The following PDE1C variants were observed in gnomAD, a reference collection of about 807,000 sequenced individuals.
PDE1C encodes the protein phosphodiesterase 1C.
In PDE1C, 62 loss-of-function variants were observed where a neutral mutation model predicts 93.1. The observed-to-expected ratio is 0.67, with a 90% CI of 0.54 to 0.82. The LOEUF is 0.82. PDE1C is among the 40% of genes least tolerant of loss of function. PDE1C has a pLI of 0.00. For synonymous variants in PDE1C, 325 were observed against 310.1 expected, an observed-to-expected ratio of 1.05 and a Z score of -0.50; for missense variants, 742 against 884.6, an observed-to-expected ratio of 0.84 and a Z score of 2.04.
Position 32,383,902 on chromosome 7 carries a change from C to T in PDE1C, c.310+43920G>A, listed in dbSNP as rs552121242. Among the ~76,000 whole-genome samples, 8 of 152,308 alleles carry T rather than the reference C, an allele frequency of 5.3e-5. 1 individual carries two copies. Among genetic ancestry groups the T allele is most frequent in the South Asian group, 4.1e-4 (2 of 4,822 alleles). ...TAACTTCTCCAAACCTCAGTTTCTG[C>T]GTCTTTGAAATTATGAAATGAGGAA... is the stretch of plus-strand genomic sequence containing the variant. On this transcript the variant is annotated intron_variant, in intron 1 of 1. Coordinates refer to the PDE1C transcript ENST00000672256.
At chr7:32,389,628 C>G (rs1254025960) in intron 1 of PDE1C, among the ~76,000 whole-genome samples, 1 of 152,202 alleles carries the variant, frequency 6.6e-6, no homozygotes, top group Non-Finnish European at 1.5e-5. Context: ...ACTCACAGAC[C>G]TGGGACCTGG....
the PDE1C span, among the ~76,000 whole-genome samples, chr7:31,640,242 C>G: frequency 1.3e-5 from 2 of 152,212 alleles, no homozygotes; most frequent in Non-Finnish European, 2.9e-5. Context: ...GGCTGGTGGG[C>G]ACATTCCCTA....
chr7:31,620,777 C>T, the PDE1C span, among the ~76,000 whole-genome samples: 13 of 152,084 alleles, frequency 8.5e-5, no homozygotes, highest in Admixed American at 1.3e-4. Flanking sequence ...TTTGAGGAGG[C>T]GAGAGAAGAA....
At chr7:32,168,831 T>G (rs1211961008) in intron 3 of PDE1C, among the ~76,000 whole-genome samples, 13 of 152,168 alleles carry the variant, frequency 8.5e-5, no homozygotes, top group Non-Finnish European at 1.5e-5. Flanking sequence ...TGGCTCTCAC[T>G]GAGCAATTAC....
intron 3 of PDE1C, 125 bp downstream of exon 3, chr7:31,880,622 C>T (rs1460063079): frequency 6.4e-6 from 4 of 621,652 alleles, no homozygotes; most frequent in African/African-American, 1.8e-5. Context: ...TTTGTGGAAA[C>T]TAAAACTCAA....
At chr7:31,918,832 G>A (rs988713029) in intron 2 of PDE1C, among the ~76,000 whole-genome samples, 16 of 152,102 alleles carry the variant, frequency 1.1e-4, no homozygotes, top group Admixed American at 2.6e-4. Context: ...TCTGCCCTGC[G>A]TAGCCAGAAG....
chr7:32,170,052 G>A (rs1278842527), intron 2 of PDE1C: 2 of 1,082,404 alleles, frequency 1.8e-6, no homozygotes, highest in Admixed American at 4.5e-5. Context: ...AGCAGAGCAG[G>A]GAAATTTATA....
Position 32,062,665 on chromosome 7 carries a change from C to A in PDE1C, c.101+7628G>T, listed in dbSNP as rs184849348. 3.3e-5 allele frequency among the ~76,000 whole-genome samples: 5 copies of A among 152,156 alleles called. No individual in the cohort carries two copies. The South Asian group carries it at 1.0e-3, about 32-fold the overall frequency. ...CCTGTGCTGGACTTCTTGCAGCACT[C>A]GTCACAGCAGGTAGTAATTTATGGA... is the stretch of plus-strand genomic sequence containing the variant. On this transcript the variant is annotated intron_variant, in intron 1 of 17. Coordinates refer to ENST00000396191, the MANE Select transcript of PDE1C (RefSeq NM_001191057.4).
chr7:31,932,874 A>G (rs1025158030), intron 2 of PDE1C, among the ~76,000 whole-genome samples: 2 of 152,230 alleles, frequency 1.3e-5, no homozygotes, highest in African/African-American at 2.4e-5. Context: ...ACCATGGAAT[A>G]CTATGCAGCC....
intron 2 of PDE1C, among the ~76,000 whole-genome samples, chr7:31,889,283 A>G (rs1544580): frequency 0.052 from 7,870 of 152,302 alleles, 328 homozygotes; most frequent in African/African-American, 0.12. Context: ...CCACTTCACT[A>G]TTCCAACTCT....
At chr7:31,999,991 A>G (rs1785255083) in intron 2 of PDE1C, among the ~76,000 whole-genome samples, 1 of 152,182 alleles carries the variant, frequency 6.6e-6, no homozygotes, top group Non-Finnish European at 1.5e-5. Context: ...TTACAAAAAC[A>G]GTTCTGCCAC....
At chr7:31,694,530 A>T in the PDE1C span, among the ~76,000 whole-genome samples, 1 of 152,184 alleles carries the variant, frequency 6.6e-6, no homozygotes, top group East Asian at 1.9e-4. Flanking sequence ...TTGAACTCAG[A>T]TCAGCTTGAC....
At chr7:32,307,862 G>C (rs1429286353) in intron 1 of PDE1C, among the ~76,000 whole-genome samples, 2 of 152,246 alleles carry the variant, frequency 1.3e-5, no homozygotes, top group Non-Finnish European at 2.9e-5. Context: ...ATCTCACTAG[G>C]GAGTGCCAGA....
intron 1 of PDE1C, among the ~76,000 whole-genome samples, chr7:32,237,407 G>A (rs899613272): frequency 6.6e-5 from 10 of 151,912 alleles, no homozygotes; most frequent in African/African-American, 9.7e-5. Context: ...TAGTTGCCAC[G>A]GGCTAGGGAT....
At chr7:31,696,907 A>C in the PDE1C span, 1 of 1,568,232 alleles carries the variant, frequency 6.4e-7, no homozygotes, top group South Asian at 1.2e-5. Context: ...CACAGTCCTC[A>C]TATATTAGGA....
intron 1 of PDE1C, among the ~76,000 whole-genome samples, chr7:32,380,390 A>G (rs933072253): frequency 2.1e-5 from 3 of 143,326 alleles, no homozygotes; most frequent in African/African-American, 7.8e-5. Context: ...GGCGCATGCC[A>G]CCATGCCCGG....
At chr7:31,939,639 C>T (rs1805556479) in intron 2 of PDE1C, among the ~76,000 whole-genome samples, 1 of 152,140 alleles carries the variant, frequency 6.6e-6, no homozygotes, top group Admixed American at 6.5e-5. Flanking sequence ...AGCTTCAGAA[C>T]ATCCAAGAAC....
intron 2 of PDE1C, among the ~76,000 whole-genome samples, chr7:31,967,334 C>T (rs1231206685): frequency 6.6e-6 from 1 of 152,220 alleles, no homozygotes; most frequent in African/African-American, 2.4e-5. Context: ...ATAAACACCT[C>T]TACACAAATA....
chr7:32,024,167 G>A (rs1163543278), intron 2 of PDE1C, among the ~76,000 whole-genome samples: 2 of 151,906 alleles, frequency 1.3e-5, no homozygotes, highest in African/African-American at 4.8e-5. Context: ...CTGAGTGATA[G>A]TAAGGTCCAA....
Sources: gnomAD v4.1 joint callset for allele counts (sites outside exome capture counted in the v4.1 genomes callset) on GRCh38, gnomAD v4.1.1 for gene constraint, MANE v1.5 for transcripts, NCBI Gene and HGNC (gene_info 2026-07-23, HGNC 2026-07-21) for gene names.